The following CCDC149 variants were observed in gnomAD, a reference collection of about 807,000 sequenced individuals.
CCDC149 encodes coiled-coil domain-containing protein 149.
Under a neutral mutation model 59.9 loss-of-function variants are expected in CCDC149, and 45 were observed. The ratio of observed to expected loss-of-function variants is 0.75; its 90% CI spans 0.59 to 0.96. The LOEUF (loss-of-function observed/expected upper bound fraction) is 0.96. CCDC149 is among the 40% of genes least tolerant of loss of function. The probability of loss-of-function intolerance (pLI) is 0.00; values close to 1 mark genes in which losing one functional copy is unlikely to be tolerated. For synonymous variants in CCDC149, 245 were observed against 260.6 expected, an observed-to-expected ratio of 0.94 and a Z score of 0.58; for missense variants, 584 against 664.7, an observed-to-expected ratio of 0.88 and a Z score of 1.33.
At chr4:24,832,367 CAAATATCT>C (rs1424296911) in intron 8 of CCDC149, among the ~76,000 whole-genome samples, 1 of 152,170 alleles carries the variant, frequency 6.6e-6, no homozygotes, top group Non-Finnish European at 1.5e-5. Flanking sequence ...GAGCAGACTG[CAAATATCT>C]AAATATTGGG....
chr4:24,885,834 G>A (rs575114883), intron 1 of CCDC149, among the ~76,000 whole-genome samples: 1 of 152,302 alleles, frequency 6.6e-6, no homozygotes, highest in East Asian at 1.9e-4. Context: ...AGGGGACAGA[G>A]AAATGAAATT....
At chr4:24,819,746 A>G (rs1442754250) in intron 12 of CCDC149, 113 bp downstream of exon 12, 11 of 799,878 alleles carry the variant, frequency 1.4e-5, no homozygotes, top group African/African-American at 3.4e-5. Flanking sequence ...GAATGTCCCA[A>G]TGATGCCAAA....
intron 1 of CCDC149, among the ~76,000 whole-genome samples, chr4:24,893,613 CT>C (rs3066508): frequency 2.7e-4 from 18 of 65,878 alleles, no homozygotes; most frequent in East Asian, 5.9e-4. Flanking sequence ...AAAATACAGA[CT>C]TTTTTTTTTT....
At chr4:24,938,763 G>A (rs1023369252) in intron 1 of CCDC149, among the ~76,000 whole-genome samples, 2 of 152,246 alleles carry the variant, frequency 1.3e-5, no homozygotes, top group Non-Finnish European at 2.9e-5. Context: ...CACATGGCTC[G>A]GAGGGTCCTA....
intron 12 of CCDC149, among the ~76,000 whole-genome samples, chr4:24,811,357 C>T (rs890998717): frequency 4.6e-5 from 7 of 152,022 alleles, no homozygotes; most frequent in East Asian, 3.9e-4. Context: ...TATCCTGCGT[C>T]CCCCCTGCTT....
chr4:24,919,425 A>AT lies in CCDC149; in HGVS notation c.-64-24308dup, dbSNP rs377323609. ...GGAAATGAACCGTAAAACTAGGTCC[A>AT]TTGGGTACACATAAAAATGGTTAAA... On this transcript the variant is annotated intron_variant, in intron 1 of 12. Coordinates refer to the CCDC149 transcript ENST00000389609. Among the ~76,000 whole-genome samples the AT allele has an allele frequency of 7.7e-4, 118 of 152,346 alleles. 1 individual carries two copies. Among genetic ancestry groups the AT allele is most frequent in the African/African-American group, 2.7e-3 (114 of 41,578 alleles).
chr4:24,896,133 G>T (rs1720832325), intron 1 of CCDC149, among the ~76,000 whole-genome samples: 1 of 152,184 alleles, frequency 6.6e-6, no homozygotes, highest in Non-Finnish European at 1.5e-5. Context: ...CTTGCTTCTT[G>T]CTGAGTGACC....
chr4:24,816,053 T>C (rs1714995858), intron 12 of CCDC149, among the ~76,000 whole-genome samples: 1 of 152,006 alleles, frequency 6.6e-6, no homozygotes, highest in Admixed American at 6.6e-5. Flanking sequence ...ACCAACCCAC[T>C]CTCCCATTTT....
chr4:24,947,846 G>A (rs898773022), intron 1 of CCDC149, among the ~76,000 whole-genome samples: 8 of 151,908 alleles, frequency 5.3e-5, no homozygotes, highest in African/African-American at 1.9e-4. Context: ...ATTGCAGATA[G>A]TTAGTGGCAT....
At chr4:24,841,935 T>C (rs1053311537) in intron 4 of CCDC149, among the ~76,000 whole-genome samples, 5 of 152,238 alleles carry the variant, frequency 3.3e-5, no homozygotes, top group East Asian at 1.9e-4. Context: ...AACCAAAACA[T>C]TGGGTGATTC....
chr4:24,876,146 T>G (rs1024384131), intron 2 of CCDC149, among the ~76,000 whole-genome samples: 1 of 151,996 alleles, frequency 6.6e-6, no homozygotes, highest in Non-Finnish European at 1.5e-5. Flanking sequence ...AAAACAACAG[T>G]ATATGTAGGG....
chr4:24,904,490 A>C (rs569304344), intron 1 of CCDC149, among the ~76,000 whole-genome samples: 2 of 152,342 alleles, frequency 1.3e-5, no homozygotes, highest in South Asian at 4.1e-4. Context: ...TGCTTGAGTT[A>C]CATACATAGA....
At chr4:24,865,366 A>T (rs1395685011) in intron 3 of CCDC149, among the ~76,000 whole-genome samples, 1 of 152,208 alleles carries the variant, frequency 6.6e-6, no homozygotes, top group Non-Finnish European at 1.5e-5. Context: ...GGTGTGATTG[A>T]CAGCAAATTT....
At chr4:24,876,482 A>C (rs1719446163) in intron 2 of CCDC149, 54 bp downstream of exon 2, 1 of 1,523,900 alleles carries the variant, frequency 6.6e-7, no homozygotes, top group Admixed American at 2.0e-5. Flanking sequence ...AAATCTCTTT[A>C]TATCTTAATT....
At chr4:24,935,809 G>A (rs1722721982) in intron 1 of CCDC149, among the ~76,000 whole-genome samples, 1 of 152,156 alleles carries the variant, frequency 6.6e-6, no homozygotes, top group African/African-American at 2.4e-5. Flanking sequence ...AAGTTTAGGG[G>A]AGAGGGAGAA....
chr4:24,947,637 C>A (rs1249378702), intron 1 of CCDC149, among the ~76,000 whole-genome samples: 1 of 152,142 alleles, frequency 6.6e-6, no homozygotes, highest in African/African-American at 2.4e-5. Context: ...GCCAGGGTTG[C>A]CTGAATCACC....
rs529104912 is a variant in CCDC149 at position 24,939,475 on chromosome 4, A to T, written c.-65+40594T>A. On this transcript the variant is annotated intron_variant, in intron 1 of 12. Coordinates refer to the CCDC149 transcript ENST00000389609. ...CAGAGCAGAAAAACTGGAAACTCTA[A>T]AAATCAGAGTGCCTCTCCTCCTCCA... 3.9e-5 allele frequency among the ~76,000 whole-genome samples: 6 copies of T among 152,350 alleles called. No individual in the cohort carries two copies. In the East Asian group the frequency reaches 1.2e-3, roughly 29 times the overall value.
intron 4 of CCDC149, among the ~76,000 whole-genome samples, chr4:24,839,505 A>T (rs911293064): frequency 3.3e-5 from 5 of 152,208 alleles, no homozygotes; most frequent in Non-Finnish European, 5.9e-5. Flanking sequence ...TAAAATCTTC[A>T]TTCACTGCAT....
intron 1 of CCDC149, among the ~76,000 whole-genome samples, chr4:24,972,527 C>T (rs1724004784): frequency 6.6e-6 from 1 of 151,944 alleles, no homozygotes; most frequent in African/African-American, 2.4e-5. Flanking sequence ...AGTCTAGTCT[C>T]AAACCCCTGA....
Sources: allele counts gnomAD v4.1 joint callset (sites outside exome capture counted in the v4.1 genomes callset), GRCh38; gene constraint gnomAD v4.1.1; transcripts MANE v1.5; gene names NCBI Gene and HGNC (gene_info 2026-07-23, HGNC 2026-07-21).